Variants in VSTM5 observed in about 807,000 individuals in gnomAD.
The protein encoded by VSTM5 is V-set and transmembrane domain containing 5, also known as V-set and transmembrane domain-containing protein 5.
VSTM5 carries 21 observed loss-of-function variants against 20.3 expected under a neutral mutation model. The ratio of observed to expected loss-of-function variants is 1.03; its 90% CI spans 0.73 to 1.49. The LOEUF (loss-of-function observed/expected upper bound fraction) is 1.49, where lower values mean the gene tolerates loss of function less well. Among genes scored for constraint, VSTM5 ranks in the 40% most tolerant of loss-of-function variants. The pLI is 0.00. For missense variants in VSTM5, 219 were observed against 250.0 expected (o/e 0.88, Z 0.84); for synonymous variants, 100 against 102.5 (o/e 0.98, Z 0.14).
chr11:93,820,182 C>T lies in VSTM5; in HGVS notation c.*387G>A, dbSNP rs1265116714. Reference sequence around the variant, plus strand: ...AAAGCATGTTCTAATGCTGGCTGCACATCCATCTGGAAATCCTCTGGCCTC... The same window carrying T: ...AAAGCATGTTCTAATGCTGGCTGCATATCCATCTGGAAATCCTCTGGCCTC... On this transcript the variant is annotated 3_prime_UTR_variant, in exon 4 of 4. Transcript: ENST00000409977. The T allele has an allele frequency of 8.3e-6, 2 of 242,254 alleles. No homozygotes were observed. The highest frequency in any genetic ancestry group is 2.4e-4 in the East Asian group (2 of 8,484). 15.0% of individuals were successfully genotyped at this position (242,254 alleles called of 1,614,324 possible).
At chr11:93,850,277 C>T (rs1162748097) in intron 1 of VSTM5, 135 bp downstream of exon 1, 5 of 654,128 alleles carry the variant, frequency 7.6e-6, no homozygotes, top group Non-Finnish European at 1.2e-5. Context: ...TGCCTGCCAG[C>T]CGAGCTCACC....
intron 1 of VSTM5, among the ~76,000 whole-genome samples, chr11:93,849,426 G>C (rs1338599330): frequency 6.6e-6 from 1 of 152,192 alleles, no homozygotes; most frequent in East Asian, 1.9e-4. Flanking sequence ...CAAAATGCTG[G>C]GAATACAGGC....
At chr11:93,820,910 G>A (rs1447309660) in intron 2 of VSTM5, 27 bp from the exon 3 acceptor site, 3 of 1,549,778 alleles carry the variant, frequency 1.9e-6, no homozygotes, top group South Asian at 1.2e-5. Context: ...AGGGGAGGGG[G>A]AAGACAACAT....
At chr11:93,845,829 A>G (rs1944407509) in intron 1 of VSTM5, among the ~76,000 whole-genome samples, 1 of 152,070 alleles carries the variant, frequency 6.6e-6, no homozygotes. Flanking sequence ...TATGCCTCCA[A>G]TTCTCTTCTC....
intron 1 of VSTM5, among the ~76,000 whole-genome samples, chr11:93,846,356 A>C (rs1944410708): frequency 6.6e-6 from 1 of 152,220 alleles, no homozygotes; most frequent in Non-Finnish European, 1.5e-5. Flanking sequence ...GAGATCAGGA[A>C]GTAAGACATT....
Position 93,819,855 on chromosome 11 carries a change from T to G in VSTM5, c.*714A>C, listed in dbSNP as rs182886563. 1.4e-4 allele frequency: 22 copies of G among 152,334 alleles called. No homozygotes were observed. The highest frequency in any genetic ancestry group is 1.2e-3 in the Admixed American group (18 of 15,300). 9.4% of individuals were successfully genotyped at this position (152,334 alleles called of 1,614,324 possible). ...CATGGGAGGGAAAATCCAATTAACGTTGGAATGAGGGAGGAAGAGAAAGAT... is the reference window on the plus strand; with the variant it reads ...CATGGGAGGGAAAATCCAATTAACGGTGGAATGAGGGAGGAAGAGAAAGAT... On this transcript the variant is annotated 3_prime_UTR_variant, in exon 4 of 4. Transcript: ENST00000409977.
chr11:93,845,954 C>A (rs996425499), intron 1 of VSTM5, among the ~76,000 whole-genome samples: 1 of 152,260 alleles, frequency 6.6e-6, no homozygotes, highest in Admixed American at 6.5e-5. Flanking sequence ...AGAAGCAACA[C>A]ACATTCTCTT....
At chr11:93,850,088 G>A (rs963709926) in intron 1 of VSTM5, among the ~76,000 whole-genome samples, 1 of 152,222 alleles carries the variant, frequency 6.6e-6, no homozygotes, top group Admixed American at 6.5e-5. Context: ...GCTGGGAGCC[G>A]GTTATCTCTG....
chr11:93,833,127 A>G (rs1944295190), intron 1 of VSTM5, among the ~76,000 whole-genome samples: 1 of 152,244 alleles, frequency 6.6e-6, no homozygotes, highest in Non-Finnish European at 1.5e-5. Flanking sequence ...TTAGTATGTT[A>G]TACAGAATAT....
intron 1 of VSTM5, among the ~76,000 whole-genome samples, chr11:93,831,120 C>T (rs935250910): frequency 1.3e-5 from 2 of 151,804 alleles, no homozygotes; most frequent in African/African-American, 2.4e-5. Flanking sequence ...AGTACAGTGG[C>T]GCAATCATGG....
chr11:93,843,990 C>T (rs558266677), intron 1 of VSTM5, among the ~76,000 whole-genome samples: 36 of 152,324 alleles, frequency 2.4e-4, no homozygotes, highest in African/African-American at 7.9e-4. Flanking sequence ...CCCCACTAGG[C>T]TCCCACAGCA....
At position 93,820,731 on chromosome 11, in the gene VSTM5, C is replaced by G; in HGVS notation, c.559+12G>C. ...AACCACTCATGGATTATCACAAGGCCCAGGGGGTTACCTTTGAGTTTGTGT... is the reference window on the plus strand; with the variant it reads ...AACCACTCATGGATTATCACAAGGCGCAGGGGGTTACCTTTGAGTTTGTGT... On this transcript the variant is annotated intron_variant, in intron 3 of 3. Coordinates refer to ENST00000409977, the MANE Select transcript of VSTM5 (RefSeq NM_001144871.2). The G allele has an allele frequency of 6.4e-7, 1 of 1,551,644 alleles. No individual in the cohort carries two copies. Among genetic ancestry groups the G allele is most frequent in the Non-Finnish European group, 8.7e-7 (1 of 1,147,000 alleles).
intron 1 of VSTM5, among the ~76,000 whole-genome samples, chr11:93,836,518 C>T (rs1031890643): frequency 8.5e-5 from 13 of 152,218 alleles, no homozygotes. Context: ...CGTTCTCTCA[C>T]ACTGCAGGGA....
In VSTM5 at chr11:93,821,223, G is replaced by A; in HGVS notation, c.192C>T (p.Thr64=). 1 of 1,552,020 alleles carries A rather than the reference G, an allele frequency of 6.4e-7. No homozygotes were observed. The highest frequency in any genetic ancestry group is 8.7e-7 in the Non-Finnish European group (1 of 1,147,088). ...SVEYSCHGVP[T]IEWTYSSNWG... is the part of the protein sequence containing the mutation. The stretch of plus-strand genomic sequence containing the variant: ...AATTGGATGAATATGTCCATTCGAT[G>A]GTGGGCACTCCATGACAGGAGTACT... The change falls in exon 2 of 4, where the codon ACC becomes ACT. Residue 64 remains threonine (T), a synonymous_variant. Coordinates refer to ENST00000409977, the MANE Select transcript of VSTM5 (RefSeq NM_001144871.2).
chr11:93,835,034 C>G (rs1026830712), intron 1 of VSTM5, among the ~76,000 whole-genome samples: 6 of 152,130 alleles, frequency 3.9e-5, no homozygotes, highest in Admixed American at 3.9e-4. Flanking sequence ...ATGCCCTCTG[C>G]TGACTCAGGA....
At chr11:93,823,281 G>T (rs1944205086) in intron 1 of VSTM5, among the ~76,000 whole-genome samples, 1 of 151,814 alleles carries the variant, frequency 6.6e-6, no homozygotes, top group African/African-American at 2.4e-5. Context: ...ACCTCCCAGA[G>T]TGTTGGGATT....
intron 1 of VSTM5, among the ~76,000 whole-genome samples, chr11:93,823,949 C>T (rs528149539): frequency 3.3e-5 from 5 of 151,782 alleles, no homozygotes; most frequent in Admixed American, 1.3e-4. Context: ...ACTCTGTCAC[C>T]CAGGCTGGAG....
intron 1 of VSTM5, chr11:93,821,670 T>G (rs1944188012): frequency 3.8e-6 from 1 of 261,882 alleles, no homozygotes; most frequent in Non-Finnish European, 7.3e-6. Flanking sequence ...CTCATGACTC[T>G]CTGGATCACT....
At chr11:93,835,852 G>A (rs532314313) in intron 1 of VSTM5, among the ~76,000 whole-genome samples, 3 of 152,284 alleles carry the variant, frequency 2.0e-5, no homozygotes, top group East Asian at 1.9e-4. Context: ...GGAGGAACTC[G>A]GTGGCTGGAG....
Sources: gnomAD v4.1 joint callset for allele counts (sites outside exome capture counted in the v4.1 genomes callset) on GRCh38, gnomAD v4.1.1 for gene constraint, MANE v1.5 for transcripts, NCBI Gene and HGNC (gene_info 2026-07-23, HGNC 2026-07-21) for gene names.